The following ARID3A variants were observed in gnomAD, a reference collection of about 807,000 sequenced individuals.
ARID3A encodes the protein AT-rich interaction domain 3A, also known as AT-rich interactive domain-containing protein 3A.
In ARID3A, 11 loss-of-function variants were observed where a neutral mutation model predicts 52.7. That is an observed-to-expected ratio of 0.21 (90% CI 0.13 to 0.35). The LOEUF is 0.35. ARID3A is among the 10% of genes least tolerant of loss of function. The probability of loss-of-function intolerance (pLI) is 1.00; values close to 1 mark genes in which losing one functional copy is unlikely to be tolerated. For synonymous variants in ARID3A, 404 were observed against 359.4 expected (o/e 1.12, Z -1.40); for missense variants, 721 against 838.5 (o/e 0.86, Z 1.73).
intron 3 of ARID3A, among the ~76,000 whole-genome samples, chr19:953,170 C>A (rs2037837794): frequency 6.6e-6 from 1 of 152,098 alleles, no homozygotes; most frequent in Admixed American, 6.5e-5. Flanking sequence ...ACCCCCTCCC[C>A]ACTCCCAGGT....
chr19:931,002 C>G (rs1415142219), intron 2 of ARID3A, among the ~76,000 whole-genome samples: 2 of 151,636 alleles, frequency 1.3e-5, no homozygotes, highest in Non-Finnish European at 2.9e-5. Flanking sequence ...AGGACCTGAG[C>G]AAGCAAAGAT....
Position 930,659 on chromosome 19 carries a change from G to A in ARID3A, c.368+763G>A, listed in dbSNP as rs374135655. ...CGAGTAGTTGGGACTACAGGCGCCCGCCACCACGCCTGGCTAACTTTTTGT... is the reference window on the plus strand; with the variant it reads ...CGAGTAGTTGGGACTACAGGCGCCCACCACCACGCCTGGCTAACTTTTTGT... On this transcript the variant is annotated intron_variant, in intron 2 of 8. Coordinates refer to ENST00000263620, the MANE Select transcript of ARID3A (RefSeq NM_005224.3). Among the ~76,000 whole-genome samples, 86 of 149,452 alleles carry A rather than the reference G, an allele frequency of 5.8e-4. 1 individual carries two copies. The South Asian group carries it at 9.7e-3, about 17-fold the overall frequency.
rs577925673 is a variant in ARID3A, at chr19:974,665, C to T, written c.*2600C>T. The stretch of plus-strand genomic sequence containing the variant: ...GGCGGCCCTGGACCCCTGGGGCCCC[C>T]GTGCACCTGCCCACCTCGGAGCCTG... On this transcript the variant is annotated 3_prime_UTR_variant, in exon 9 of 9. Transcript: ENST00000263620. 17 of 231,178 alleles carry T rather than the reference C, an allele frequency of 7.4e-5. No homozygotes were observed. The highest frequency in any genetic ancestry group is 2.4e-4 in the African/African-American group (11 of 45,258). 14.3% of individuals were successfully genotyped at this position (231,178 alleles called of 1,614,324 possible).
Position 944,295 on chromosome 19 carries a change from G to A in ARID3A, c.693+11553G>A, listed in dbSNP as rs1007977847. Among the ~76,000 whole-genome samples, 24 of 152,126 alleles carry A rather than the reference G, an allele frequency of 1.6e-4. No homozygotes were observed. The highest frequency in any genetic ancestry group is 1.2e-3 in the Admixed American group (18 of 15,272). The stretch of plus-strand genomic sequence containing the variant: ...TATCTCCCAGGCGTGTCTGCTCCCC[G>A]TGTGTCTGGCTGCAGGGGCGCGTCC... On this transcript the variant is annotated intron_variant, in intron 3 of 8. Transcript: ENST00000263620. The surrounding 1 kb of genome is among the most constrained non-coding windows in gnomAD (Gnocchi z 5.9).
chr19:971,592 C>T (rs780475954), intron 8 of ARID3A, among the ~76,000 whole-genome samples: 6 of 151,774 alleles, frequency 4.0e-5, no homozygotes, highest in Non-Finnish European at 8.8e-5. Flanking sequence ...CCAGCCTGCG[C>T]GACAGAGCGA....
At chr19:948,128 G>C (rs1599403558) in intron 3 of ARID3A, among the ~76,000 whole-genome samples, 2 of 152,124 alleles carry the variant, frequency 1.3e-5, no homozygotes, top group Non-Finnish European at 2.9e-5. Context: ...GGGGCCGCCT[G>C]TCCCCTGGTG....
intron 3 of ARID3A, among the ~76,000 whole-genome samples, chr19:955,426 C>G (rs998178261): frequency 6.6e-6 from 1 of 152,214 alleles, no homozygotes; most frequent in Non-Finnish European, 1.5e-5. Flanking sequence ...CATCAGTGCC[C>G]CGGCCCCACA....
intron 3 of ARID3A, among the ~76,000 whole-genome samples, chr19:933,988 G>A (rs577282433): frequency 6.6e-6 from 1 of 152,304 alleles, no homozygotes; most frequent in South Asian, 2.1e-4. Flanking sequence ...TGGGAGGAGG[G>A]GTCTTGTGAT....
intron 3 of ARID3A, among the ~76,000 whole-genome samples, chr19:953,708 C>T (rs531791283): frequency 1.4e-4 from 21 of 152,094 alleles, no homozygotes; most frequent in African/African-American, 3.9e-4. Context: ...AGCGGGGACC[C>T]GGGAGCTGCA....
At chr19:948,040 C>G (rs1310376545) in intron 3 of ARID3A, among the ~76,000 whole-genome samples, 2 of 152,156 alleles carry the variant, frequency 1.3e-5, no homozygotes, top group Non-Finnish European at 2.9e-5. Context: ...TGAGGTCACA[C>G]AGCAGACGCT....
In ARID3A at chr19:964,580, C is replaced by CAGGGCCCGAGAGCGTCA; in HGVS notation, c.950+152_950+168dup. ...AGGGCACAGGGCCACACCGTGCGTC[C>CAGGGCCCGAGAGCGTCA]AGGGCCCGAGAGCGTCAAGTAGGGG... is the stretch of plus-strand genomic sequence containing the variant. On this transcript the variant is annotated intron_variant, in intron 5 of 8. Transcript: ENST00000263620. The surrounding 1 kb of genome is among the most constrained non-coding windows in gnomAD (Gnocchi z 5.7). 8.0e-7 allele frequency: 1 copy of CAGGGCCCGAGAGCGTCA among 1,255,224 alleles called. No individual in the cohort carries two copies. Among genetic ancestry groups the CAGGGCCCGAGAGCGTCA allele is most frequent in the East Asian group, 2.5e-5 (1 of 39,226 alleles). 77.8% of individuals were successfully genotyped at this position (1,255,224 alleles called of 1,614,324 possible). A position where few individuals can be genotyped will look rare whatever the true frequency, so the allele number is the denominator to read the frequency against.
Position 936,925 on chromosome 19 carries a change from C to T in ARID3A, c.693+4183C>T, listed in dbSNP as rs10408487. Among the ~76,000 whole-genome samples, 1,101 of 152,206 alleles carry T rather than the reference C, an allele frequency of 7.2e-3. 12 individuals carry two copies. Among genetic ancestry groups the T allele is most frequent in the African/African-American group, 0.026 (1,071 of 41,508 alleles). On this transcript the variant is annotated intron_variant, in intron 3 of 8. Coordinates refer to ENST00000263620, the MANE Select transcript of ARID3A (RefSeq NM_005224.3). ...CACGCCCCAGCCCCTGGCAACCACA[C>T]ATCCCCTCCTGCCTCTGTGGATTGG...
At chr19:963,117 C>G (rs111589407) in intron 4 of ARID3A, among the ~76,000 whole-genome samples, 1 of 152,128 alleles carries the variant, frequency 6.6e-6, no homozygotes. Context: ...TAGCAGGCCT[C>G]GACCAGGCAG....
intron 4 of ARID3A, among the ~76,000 whole-genome samples, chr19:961,328 T>C (rs1637997): frequency 0.95 from 144,012 of 152,306 alleles, 68,248 homozygotes; most frequent in East Asian, 1. Flanking sequence ...GTGGGCCCCC[T>C]GGCCCACACT....
intron 3 of ARID3A, among the ~76,000 whole-genome samples, chr19:955,858 C>T (rs188930309): frequency 6.6e-4 from 101 of 152,286 alleles, no homozygotes; most frequent in Non-Finnish European, 8.5e-4. Context: ...CCTCAAACCG[C>T]GGGCGTAAAA....
In ARID3A at chr19:964,238, C is replaced by T. The variant is rs565784666; in HGVS notation, c.767-10C>T. 5.0e-6 allele frequency: 8 copies of T among 1,605,486 alleles called. No individual in the cohort carries two copies. The East Asian group carries it at 1.6e-4, about 31-fold the overall frequency. On this transcript the variant is annotated splice_polypyrimidine_tract_variant and intron_variant, in intron 4 of 8. Coordinates refer to ENST00000263620, the MANE Select transcript of ARID3A (RefSeq NM_005224.3). This position sits in a 1 kb window ranked among gnomAD's most constrained non-coding sequence, Gnocchi z 5.7. ...GTGGCCCCCAACCTCCCTCTCGCCC[C>T]TTCCCCCAGGGACACCTGTGAACCG...
rs933960827 is a variant in ARID3A at position 959,465 on chromosome 19, T to TG, written c.694-623dup. On this transcript the variant is annotated intron_variant, in intron 3 of 8. Coordinates refer to ENST00000263620, the MANE Select transcript of ARID3A (RefSeq NM_005224.3). This position sits in a 1 kb window ranked among gnomAD's most constrained non-coding sequence, Gnocchi z 5.0. The stretch of plus-strand genomic sequence containing the variant: ...ACTTTTTGTTATCATAATGTAGAGA[T>TG]GGGGTCTCACTATGTTGCCCAGGCT... Among the ~76,000 whole-genome samples, 14 of 152,192 alleles carry TG rather than the reference T, an allele frequency of 9.2e-5. No individual in the cohort carries two copies. The Middle Eastern group carries it at 0.017, about 185-fold the overall frequency.
In ARID3A at chr19:929,058, T is replaced by A. The variant is rs924755417; in HGVS notation, c.-267-204T>A. ...AGTCTGGCCACAGCGTGTTTCTCTG[T>A]GGCCCCGTGCGGGGCGACCTTGCTA... On this transcript the variant is annotated intron_variant, in intron 1 of 8. Transcript: ENST00000263620. This position sits in a 1 kb window ranked among gnomAD's most constrained non-coding sequence, Gnocchi z 6.2. 1.3e-5 allele frequency: 2 copies of A among 155,040 alleles called. No individual in the cohort carries two copies. The highest frequency in any genetic ancestry group is 4.8e-5 in the African/African-American group (2 of 41,522). The allele number at this position is 155,040 out of a possible 1,614,324, so 9.6% of individuals were successfully genotyped here.
At position 973,734 on chromosome 19, in the gene ARID3A, G is replaced by A. The variant is rs1599435617; in HGVS notation, c.*1669G>A. The A allele has an allele frequency of 4.4e-6, 1 of 228,370 alleles. No homozygotes were observed. Among genetic ancestry groups the A allele is most frequent in the Non-Finnish European group, 8.7e-6 (1 of 115,078 alleles). 14.1% of individuals were successfully genotyped at this position (228,370 alleles called of 1,614,324 possible). A position where few individuals can be genotyped will look rare whatever the true frequency, so the allele number is the denominator to read the frequency against. On this transcript the variant is annotated 3_prime_UTR_variant, in exon 9 of 9. Coordinates refer to ENST00000263620, the MANE Select transcript of ARID3A (RefSeq NM_005224.3). ...GGCTGCGAGCTCCCCGAGTTCTGCG[G>A]TGACTAAATCGAGGCCGAGAAGGGA...
Sources: gnomAD v4.1 joint callset for allele counts (sites outside exome capture counted in the v4.1 genomes callset) on GRCh38, gnomAD v4.1.1 for gene constraint, Gnocchi (gnomAD v3.1) non-coding constraint, MANE v1.5 for transcripts, NCBI Gene and HGNC (gene_info 2026-07-23, HGNC 2026-07-21) for gene names.